Variants in CNNM3 observed in about 807,000 individuals in gnomAD.
The protein encoded by CNNM3 is cyclin and CBS domain divalent metal cation transport mediator 3, also known as metal transporter CNNM3.
Under a neutral mutation model 57.1 loss-of-function variants are expected in CNNM3, and 47 were observed. The observed-to-expected ratio is 0.82, with a 90% CI of 0.65 to 1.05. The LOEUF (loss-of-function observed/expected upper bound fraction) is 1.05. CNNM3 is among the 50% of genes least tolerant of loss of function. CNNM3 has a pLI of 0.00. For missense variants in CNNM3, 957 were observed against 973.7 expected (o/e 0.98, Z 0.23); for synonymous variants, 507 against 478.2 (o/e 1.06, Z -0.79).
chr2:96,816,348 CG>C lies in CNNM3; in HGVS notation c.76del (p.Glu26ArgfsTer131). On this transcript the variant is annotated frameshift_variant, in exon 1 of 8. Coordinates refer to ENST00000305510, the MANE Select transcript of CNNM3 (RefSeq NM_017623.5). LOFTEE classifies it high-confidence loss of function. Reference sequence around the variant, plus strand: ...GCCGCGCTCTGCCTGGGCAACGCCGCGGGGGAGGCCGCGCCGGGCCCGCGAG... The same window carrying C: ...GCCGCGCTCTGCCTGGGCAACGCCGCGGGGAGGCCGCGCCGGGCCCGCGAG... ...LFAALCLGNA[A>X]GEAAPGPRVL... 1.5e-6 allele frequency: 2 copies of C among 1,291,698 alleles called. No individual in the cohort carries two copies. Among genetic ancestry groups the C allele is most frequent in the Non-Finnish European group, 9.8e-7 (1 of 1,019,372 alleles). 80.0% of individuals were successfully genotyped at this position (1,291,698 alleles called of 1,614,324 possible).
intron 1 of CNNM3, among the ~76,000 whole-genome samples, chr2:96,823,130 C>A (rs1243873531): frequency 6.6e-6 from 1 of 152,228 alleles, no homozygotes; most frequent in Non-Finnish European, 1.5e-5. Context: ...AGTCACACGA[C>A]CACTGTTCCA....
chr2:96,820,809 G>A (rs1199670164), intron 1 of CNNM3, among the ~76,000 whole-genome samples: 1 of 152,216 alleles, frequency 6.6e-6, no homozygotes, highest in Admixed American at 6.5e-5. Context: ...TGTGGGACAG[G>A]GGAGGAGGCC....
rs999977463 is a variant in CNNM3, at chr2:96,834,520, A to AT, written c.*1913dup. Reference sequence around the variant, plus strand: ...CCACCACACCCAGCTAATACTTTTAATTTTTTTTTGTAGAGATAGGGTCTC... The same window carrying AT: ...CCACCACACCCAGCTAATACTTTTAATTTTTTTTTTGTAGAGATAGGGTCTC... On this transcript the variant is annotated 3_prime_UTR_variant, in exon 8 of 8. Coordinates refer to ENST00000305510, the MANE Select transcript of CNNM3 (RefSeq NM_017623.5). 5.3e-5 allele frequency among the ~76,000 whole-genome samples: 8 copies of AT among 149,608 alleles called. No homozygotes were observed. The highest frequency in any genetic ancestry group is 3.4e-3 in the Middle Eastern group (1 of 292).
intron 5 of CNNM3, 58 bp from the exon 6 acceptor site, chr2:96,828,509 G>C: frequency 6.2e-7 from 1 of 1,608,714 alleles, no homozygotes; most frequent in Non-Finnish European, 8.5e-7. Flanking sequence ...CCCCACCAGG[G>C]GAGGAGGCTC....
chr2:96,831,672 TG>T (rs998528789), intron 7 of CNNM3, among the ~76,000 whole-genome samples: 1 of 145,984 alleles, frequency 6.9e-6, no homozygotes, highest in African/African-American at 2.8e-5. Context: ...GTCTGACCCC[TG>T]GCCTACTATT....
At position 96,826,942 on chromosome 2, in the gene CNNM3, G is replaced by T. The variant is rs755949526; in HGVS notation, c.1479G>T (p.Ser493=). The change falls in exon 3 of 8, where the codon TCG becomes TCT. Residue 493 remains serine, a synonymous_variant. Transcript: ENST00000305510. ...VSDDEYKVTI[S]PQLLLATQRF... ...ATGATGAATATAAAGTAACAATCTC[G>T]CCTCAGCTGCTCTTGGCCACCCAGC... 6.2e-7 allele frequency: 1 copy of T among 1,614,168 alleles called. No homozygotes were observed. Among genetic ancestry groups the T allele is most frequent in the Non-Finnish European group, 8.5e-7 (1 of 1,180,032 alleles).
intron 7 of CNNM3, chr2:96,832,298 C>T (rs1038256117): frequency 1.0e-6 from 1 of 985,278 alleles, no homozygotes; most frequent in Non-Finnish European, 1.2e-6. Context: ...GAAGGTGCCT[C>T]TTGTTCAGCA....
rs2079630876 is a variant in CNNM3 at position 96,832,994 on chromosome 2, C to T, written c.*378C>T. ...GCCACCTTGTGAGTGCAGTTACTGC[C>T]TTTGTGTGGCCGTGACCTCTATTTG... On this transcript the variant is annotated 3_prime_UTR_variant, in exon 8 of 8. Transcript: ENST00000305510. The T allele has an allele frequency of 1.5e-6, 2 of 1,335,204 alleles. No homozygotes were observed. Among genetic ancestry groups the T allele is most frequent in the Non-Finnish European group, 2.0e-6 (2 of 1,018,642 alleles). 82.7% of individuals were successfully genotyped at this position (1,335,204 alleles called of 1,614,324 possible). A position where few individuals can be genotyped will look rare whatever the true frequency, so the allele number is the denominator to read the frequency against.
At chr2:96,830,739 G>A (rs2079588193) in intron 7 of CNNM3, among the ~76,000 whole-genome samples, 1 of 152,192 alleles carries the variant, frequency 6.6e-6, no homozygotes, top group African/African-American at 2.4e-5. Context: ...ATGGTGCCCA[G>A]GCTGGCTTCA....
chr2:96,816,283 GGCGGCGGTAGCT>G lies in CNNM3; in HGVS notation c.14_25del (p.Val5_Ala8del), dbSNP rs781140937. The G allele has an allele frequency of 1.5e-6, 2 of 1,305,294 alleles. No homozygotes were observed. The highest frequency in any genetic ancestry group is 2.5e-5 in the South Asian group (1 of 40,248). 80.9% of individuals were successfully genotyped at this position (1,305,294 alleles called of 1,614,324 possible). On this transcript the variant is annotated inframe_deletion, in exon 1 of 8. Transcript: ENST00000305510. ...CCGAGAGGGGGCAGCAGGCGATGGC[GGCGGCGGTAGCT>G]GCGGCGGGTCGGTTAGGCTGGTTGT...
At chr2:96,836,283 C>T (rs191008520), downstream of CNNM3, among the ~76,000 whole-genome samples, 6 of 148,914 alleles carry the variant, frequency 4.0e-5, no homozygotes, top group East Asian at 1.2e-3. Context: ...ACTCTTGTTG[C>T]CCAGGCTGGA....
rs768728722 is a variant in CNNM3, at chr2:96,829,077, C to T, written c.2002C>T (p.Gln668Ter). ...ACAGTCCCCTGAGAACACCGACCTG[C>T]AGGTTATTCCAGGCAGCCAGACCAG... is the stretch of plus-strand genomic sequence containing the variant. ...LPQSPENTDL[Q>*]VIPGSQTRLL... is the part of the protein sequence containing the mutation. The change falls in exon 7 of 8, where the codon CAG becomes TAG. Residue 668 changes from glutamine to a stop codon, truncating the protein, a stop_gained. Transcript: ENST00000305510. LOFTEE classifies it high-confidence loss of function. 6.2e-7 allele frequency: 1 copy of T among 1,614,034 alleles called. No individual in the cohort carries two copies. Among genetic ancestry groups the T allele is most frequent in the Non-Finnish European group, 8.5e-7 (1 of 1,180,016 alleles).
chr2:96,816,499 C>T lies in CNNM3; in HGVS notation c.222C>T (p.Ser74=), dbSNP rs2079319459. 14 of 1,455,146 alleles carry T rather than the reference C, an allele frequency of 9.6e-6. No individual in the cohort carries two copies. The highest frequency in any genetic ancestry group is 1.3e-5 in the Non-Finnish European group (14 of 1,103,988). The allele number at this position is 1,455,146 out of a possible 1,614,324, so 90.1% of individuals were successfully genotyped here. A position where few individuals can be genotyped will look rare whatever the true frequency, so the allele number is the denominator to read the frequency against. The change falls in exon 1 of 8, where the codon AGC becomes AGT. Residue 74 remains serine (S), a synonymous_variant. Transcript: ENST00000305510. The stretch of plus-strand genomic sequence containing the variant: ...TCTTCGGCCCGGGCTTCGCCAACAG[C>T]TCTTGGTCCTGGGTGGCCCCGGAGG... ...LRLFGPGFAN[S]SWSWVAPEGA...
intron 6 of CNNM3, 38 bp downstream of exon 6, chr2:96,828,738 C>T (rs184150784): frequency 3.4e-4 from 547 of 1,612,120 alleles, no homozygotes; most frequent in African/African-American, 5.2e-4. Flanking sequence ...TGGCTTTAGC[C>T]GACTTTGTGT....
intron 1 of CNNM3, among the ~76,000 whole-genome samples, chr2:96,819,934 G>T (rs1336535981): frequency 6.6e-6 from 1 of 152,212 alleles, no homozygotes; most frequent in Non-Finnish European, 1.5e-5. Flanking sequence ...GTCCAGGGTG[G>T]TTGGGGATTC....
chr2:96,831,753 A>C (rs2079605855), intron 7 of CNNM3, among the ~76,000 whole-genome samples: 1 of 152,238 alleles, frequency 6.6e-6, no homozygotes, highest in Non-Finnish European at 1.5e-5. Context: ...GGCAGTCCCC[A>C]CACTGTGCAG....
In CNNM3 at chr2:96,834,329, A is replaced by ATTT. The variant is rs1228418772; in HGVS notation, c.*1714_*1716dup. Among the ~76,000 whole-genome samples the ATTT allele has an allele frequency of 2.2e-5, 3 of 134,980 alleles. No homozygotes were observed. The highest frequency in any genetic ancestry group is 2.2e-4 in the South Asian group (1 of 4,618). 88.6% of individuals were successfully genotyped at this position (134,980 alleles called of 152,430 possible). ...CATCAGAGTTTTCAATTTTTTATTT[A>ATTT]TTTATTATTATTATTATTATTATTA... On this transcript the variant is annotated 3_prime_UTR_variant, in exon 8 of 8. Coordinates refer to ENST00000305510, the MANE Select transcript of CNNM3 (RefSeq NM_017623.5).
chr2:96,819,457 C>T (rs780574677), intron 1 of CNNM3, among the ~76,000 whole-genome samples: 1 of 152,200 alleles, frequency 6.6e-6, no homozygotes, highest in Admixed American at 6.5e-5. Flanking sequence ...CAGTGCCTGG[C>T]GTGCATATGC....
Position 96,816,942 on chromosome 2 carries a change from T to C in CNNM3, c.665T>C (p.Val222Ala). ...LLYRAAGQRA[V>A]PAVLGSAGLV... The stretch of plus-strand genomic sequence containing the variant: ...TACCGCGCGGCCGGCCAGCGTGCGG[T>C]GCCCGCCGTGTTGGGCAGCGCGGGG... The change falls in exon 1 of 8, where the codon GTG becomes GCG. Residue 222 changes from valine (V) to alanine (A), a missense_variant. Transcript: ENST00000305510. 7.9e-7 allele frequency: 1 copy of C among 1,261,332 alleles called. No homozygotes were observed. The highest frequency in any genetic ancestry group is 1.0e-6 in the Non-Finnish European group (1 of 1,000,200). 78.1% of individuals were successfully genotyped at this position (1,261,332 alleles called of 1,614,324 possible).
Sources: allele counts gnomAD v4.1 joint callset (sites outside exome capture counted in the v4.1 genomes callset), GRCh38; gene constraint gnomAD v4.1.1; transcripts MANE v1.5; gene names NCBI Gene and HGNC (gene_info 2026-07-23, HGNC 2026-07-21).